NDUFC1: variants seen among roughly 807,000 people sequenced by gnomAD.
NDUFC1 encodes NADH dehydrogenase [ubiquinone] 1 subunit C1, mitochondrial.
NDUFC1 carries 11 observed loss-of-function variants against 11.6 expected under a neutral mutation model. The ratio of observed to expected loss-of-function variants is 0.95; its 90% CI spans 0.60 to 1.58. NDUFC1 has a LOEUF of 1.58. Among genes scored for constraint, NDUFC1 ranks in the 40% most tolerant of loss-of-function variants. The pLI is 0.00. For missense variants in NDUFC1, 112 were observed against 93.0 expected, an observed-to-expected ratio of 1.20 and a Z score of -0.84; for synonymous variants, 52 against 42.2, an observed-to-expected ratio of 1.23 and a Z score of -0.90.
At chr4:139,301,717 G>T in intron 1 of NDUFC1, 2 of 1,522,228 alleles carry the variant, frequency 1.3e-6, no homozygotes, top group South Asian at 1.2e-5. Flanking sequence ...CAGCGGCGGC[G>T]GTCGGACAAA....
intron 5 of NDUFC1, among the ~76,000 whole-genome samples, chr4:139,291,483 G>C (rs1745216165): frequency 6.6e-6 from 1 of 151,894 alleles, no homozygotes; most frequent in African/African-American, 2.4e-5. Flanking sequence ...GCTGAGGCAG[G>C]AGAATTGCTT....
intron 1 of NDUFC1, chr4:139,301,662 T>C (rs891662801): frequency 3.3e-6 from 4 of 1,226,972 alleles, no homozygotes; most frequent in African/African-American, 1.5e-5. Flanking sequence ...GGCCTGGTGG[T>C]GGCGGCGGAT....
At chr4:139,301,466 C>A (rs1452655786) in intron 1 of NDUFC1, 3 of 457,788 alleles carry the variant, frequency 6.6e-6, no homozygotes, top group East Asian at 7.0e-5. Context: ...TGTTAGGAAG[C>A]GTGACCCGGG....
chr4:139,291,271 A>G (rs1387840007), intron 5 of NDUFC1, among the ~76,000 whole-genome samples: 2 of 152,022 alleles, frequency 1.3e-5, no homozygotes, highest in Non-Finnish European at 2.9e-5. Context: ...TCATGCAGAA[A>G]AAAATTTAAA....
In NDUFC1 at chr4:139,295,136, T is replaced by C; in HGVS notation, c.78A>G (p.Arg26=). ...GCGGCTCTCGCACGTAGAACTTTGATCGCACTGAAGCTGAAAGGGGAAGAG... is the reference window on the plus strand; with the variant it reads ...GCGGCTCTCGCACGTAGAACTTTGACCGCACTGAAGCTGAAAGGGGAAGAG... ...PARLPSGPSV[R]SKFYVREPPN... Residue 26 remains arginine, a synonymous_variant, in exon 4 of 6, where the codon CGA becomes CGG. Transcript: ENST00000394223. The C allele has an allele frequency of 1.2e-6, 2 of 1,614,114 alleles. No homozygotes were observed. Among genetic ancestry groups the C allele is most frequent in the Non-Finnish European group, 1.7e-6 (2 of 1,179,986 alleles).
chr4:139,298,772 G>T (rs990269508), intron 1 of NDUFC1, among the ~76,000 whole-genome samples: 1 of 151,466 alleles, frequency 6.6e-6, no homozygotes, highest in Non-Finnish European at 1.5e-5. Flanking sequence ...CTCTGGGGCC[G>T]AAGGAATCTT....
chr4:139,294,422 A>G (rs1406458120), intron 4 of NDUFC1, among the ~76,000 whole-genome samples: 1 of 152,076 alleles, frequency 6.6e-6, no homozygotes, highest in African/African-American at 2.4e-5. Context: ...AATTAGCCTC[A>G]ATTCTCATTA....
intron 2 of NDUFC1, among the ~76,000 whole-genome samples, chr4:139,296,779 A>G (rs1406459212): frequency 6.6e-6 from 1 of 152,262 alleles, no homozygotes; most frequent in Non-Finnish European, 1.5e-5. Context: ...TCTAAAGACC[A>G]GTAAAAATAT....
At chr4:139,298,125 G>A (rs757447414) in intron 1 of NDUFC1, among the ~76,000 whole-genome samples, 3 of 152,116 alleles carry the variant, frequency 2.0e-5, no homozygotes, top group Non-Finnish European at 4.4e-5. Flanking sequence ...ACACCAAGAT[G>A]TATCTATAAG....
intron 1 of NDUFC1, among the ~76,000 whole-genome samples, chr4:139,298,023 T>G (rs930834550): frequency 2.6e-5 from 4 of 151,328 alleles, no homozygotes; most frequent in African/African-American, 7.3e-5. Context: ...AAGCCAAGAC[T>G]CTGCCACTGT....
chr4:139,295,394 C>T (rs1182864711), intron 3 of NDUFC1, among the ~76,000 whole-genome samples: 1 of 152,158 alleles, frequency 6.6e-6, no homozygotes, highest in Non-Finnish European at 1.5e-5. Context: ...GACCCTCAGA[C>T]GACTCGGGAG....
chr4:139,294,491 C>T (rs980303951), intron 4 of NDUFC1, among the ~76,000 whole-genome samples: 1 of 150,712 alleles, frequency 6.6e-6, no homozygotes, highest in African/African-American at 2.4e-5. Flanking sequence ...AATCAGAACA[C>T]TTTGGGAGGC....
intron 5 of NDUFC1, among the ~76,000 whole-genome samples, chr4:139,291,803 T>C (rs1334646284): frequency 6.6e-6 from 1 of 151,960 alleles, no homozygotes; most frequent in Non-Finnish European, 1.5e-5. Context: ...TGTAAAGCAC[T>C]ATCAGATTTA....
intron 5 of NDUFC1, among the ~76,000 whole-genome samples, chr4:139,290,475 T>C (rs1745165357): frequency 6.6e-6 from 1 of 151,406 alleles, no homozygotes; most frequent in Middle Eastern, 3.2e-3. Context: ...CTGATTAGAG[T>C]AGTGAAATGG....
chr4:139,297,092 G>A (rs1745503639), intron 2 of NDUFC1, among the ~76,000 whole-genome samples: 1 of 152,172 alleles, frequency 6.6e-6, no homozygotes, highest in Admixed American at 6.5e-5. Flanking sequence ...CCCAATGAAT[G>A]TGCTGAGCCA....
intron 2 of NDUFC1, 89 bp from the exon 3 acceptor site, chr4:139,296,049 C>A (rs1745457493): frequency 2.0e-6 from 1 of 496,362 alleles, no homozygotes; most frequent in South Asian, 3.1e-5. Flanking sequence ...CCCATCTCTA[C>A]GGCTATTCAT....
intron 2 of NDUFC1, among the ~76,000 whole-genome samples, chr4:139,296,897 T>C (rs1314579480): frequency 6.6e-6 from 1 of 152,246 alleles, no homozygotes; most frequent in African/African-American, 2.4e-5. Context: ...TATATTCTCT[T>C]TAGCAATGTT....
In NDUFC1 at chr4:139,295,088, C is replaced by T. The variant is rs1330139381; in HGVS notation, c.126G>A (p.Leu42=). 6.2e-7 allele frequency: 1 copy of T among 1,614,212 alleles called. No individual in the cohort carries two copies. The highest frequency in any genetic ancestry group is 8.5e-7 in the Non-Finnish European group (1 of 1,180,034). Reference sequence around the variant, plus strand: ...TGGTGCCCAAGGTGAACCCAACTTTCAGCCAGTCAGGTTTGGCATTCGGCG... The same window carrying T: ...TGGTGCCCAAGGTGAACCCAACTTTTAGCCAGTCAGGTTTGGCATTCGGCG... The part of the protein sequence containing the change: ...REPPNAKPDW[L]KVGFTLGTTV... The change falls in exon 4 of 6, where the codon CTG becomes CTA. Residue 42 remains leucine, a synonymous_variant. Transcript: ENST00000394223.
At chr4:139,301,982 C>T in intron 1 of NDUFC1, 1 of 803,116 alleles carries the variant, frequency 1.2e-6, no homozygotes, top group Admixed American at 3.1e-5. Flanking sequence ...GCTTTGCTCC[C>T]TCTCTGTGGT....
Sources: allele counts gnomAD v4.1 joint callset (sites outside exome capture counted in the v4.1 genomes callset), GRCh38; gene constraint gnomAD v4.1.1; transcripts MANE v1.5; gene names NCBI Gene and HGNC (gene_info 2026-07-23, HGNC 2026-07-21).